The following ARHGEF10L variants were observed in gnomAD, a reference collection of about 807,000 sequenced individuals.
ARHGEF10L encodes Rho guanine nucleotide exchange factor 10 like.
In ARHGEF10L, 69 loss-of-function variants were observed where a neutral mutation model predicts 141.2. That is an observed-to-expected ratio of 0.49 (90% confidence interval 0.40 to 0.60). ARHGEF10L has a LOEUF of 0.60. ARHGEF10L is among the 20% of genes least tolerant of loss of function. ARHGEF10L has a pLI of 0.00. For missense variants in ARHGEF10L, 1,482 were observed against 1,734.3 expected, an observed-to-expected ratio of 0.85 and a Z score of 2.58; for synonymous variants, 711 against 718.5, an observed-to-expected ratio of 0.99 and a Z score of 0.17.
intron 6 of ARHGEF10L, among the ~76,000 whole-genome samples, chr1:17,606,985 G>T (rs1280343595): frequency 6.6e-6 from 1 of 152,218 alleles, no homozygotes; most frequent in Non-Finnish European, 1.5e-5. Flanking sequence ...TTTCCCGCAG[G>T]CTTAGGAAGG....
chr1:17,549,363 C>T (rs990384742), intron 1 of ARHGEF10L, among the ~76,000 whole-genome samples: 8 of 152,000 alleles, frequency 5.3e-5, no homozygotes, highest in African/African-American at 1.9e-4. Flanking sequence ...AAAAATCAAA[C>T]ACATCAAATT....
chr1:17,649,556 C>A (rs911104176), intron 22 of ARHGEF10L, among the ~76,000 whole-genome samples: 1 of 152,294 alleles, frequency 6.6e-6, no homozygotes, highest in South Asian at 2.1e-4. Context: ...GTCCATTCTG[C>A]ATGCAATTTT....
intron 6 of ARHGEF10L, among the ~76,000 whole-genome samples, chr1:17,606,617 A>T (rs1471680773): frequency 1.1e-3 from 169 of 150,258 alleles, no homozygotes; most frequent in African/African-American, 4.0e-3. Flanking sequence ...TTTTTTTTTA[A>T]AAAAACACAA....
chr1:17,605,497 A>G (rs2081085075), intron 6 of ARHGEF10L, among the ~76,000 whole-genome samples: 1 of 152,236 alleles, frequency 6.6e-6, no homozygotes, highest in Admixed American at 6.5e-5. Context: ...CGGGCTGCAC[A>G]CAGGCACAAG....
At position 17,632,548 on chromosome 1, in the gene ARHGEF10L, C is replaced by T. The variant is rs550685893; in HGVS notation, c.1730+82C>T. 944 of 1,571,228 alleles carry T rather than the reference C, an allele frequency of 6.0e-4. 17 individuals are homozygous for T. The Admixed American group carries it at 0.015, about 25-fold the overall frequency. On this transcript the variant is annotated intron_variant, in intron 16 of 28. Coordinates refer to ENST00000361221, the MANE Select transcript of ARHGEF10L (RefSeq NM_018125.4). Reference sequence around the variant, plus strand: ...CCTACTCCAGTCTCTTGGCCGGCCGCACTACAGTGGGACCCCATGTGAGCT... The same window carrying T: ...CCTACTCCAGTCTCTTGGCCGGCCGTACTACAGTGGGACCCCATGTGAGCT...
At chr1:17,687,834 A>AT (rs1341247349) in intron 27 of ARHGEF10L, 87 bp downstream of exon 27, 1 of 1,384,596 alleles carries the variant, frequency 7.2e-7, no homozygotes, top group African/African-American at 1.5e-5. Context: ...AGCCCATCCC[A>AT]TTTTCCCTCA....
chr1:17,561,903 G>A (rs1477581697), intron 1 of ARHGEF10L, among the ~76,000 whole-genome samples: 1 of 152,200 alleles, frequency 6.6e-6, no homozygotes, highest in African/African-American at 2.4e-5. Context: ...AATCGGGAAG[G>A]TTCCAAGGGA....
chr1:17,546,875 G>A (rs1053457016), intron 1 of ARHGEF10L, among the ~76,000 whole-genome samples: 2 of 152,214 alleles, frequency 1.3e-5, no homozygotes, highest in African/African-American at 2.4e-5. Context: ...CACCTTGGTA[G>A]TGCATGGCTC....
chr1:17,655,938 C>T lies in ARHGEF10L; in HGVS notation c.2541C>T (p.Pro847=), dbSNP rs747392737. The T allele has an allele frequency of 3.5e-5, 55 of 1,559,102 alleles. No homozygotes were observed. Among genetic ancestry groups the T allele is most frequent in the African/African-American group, 1.4e-4 (10 of 73,758 alleles). ...GQVEIFSLNR[P]SPRTVKSFPL... ...TGGAAATCTTTTCCTTGAACCGGCC[C>T]TCGCCCCGCACCGTCAAGTCCTTCC... Residue 847 remains proline (P), a synonymous_variant, in exon 24 of 29, where the codon CCC becomes CCT. Transcript: ENST00000361221.
the ARHGEF10L span, among the ~76,000 whole-genome samples, chr1:17,521,717 C>T: frequency 0.35 from 53,255 of 151,956 alleles, 9,874 homozygotes; most frequent in Non-Finnish European, 0.4. Flanking sequence ...AAGGAGGAGC[C>T]GAGCTTTGAA....
chr1:17,614,573 G>T (rs972081750), intron 8 of ARHGEF10L, among the ~76,000 whole-genome samples: 1 of 152,174 alleles, frequency 6.6e-6, no homozygotes, highest in East Asian at 1.9e-4. Context: ...TGGAACAGAG[G>T]TTTCAGATCT....
At chr1:17,618,289 T>G in intron 9 of ARHGEF10L, 6 of 1,040,762 alleles carry the variant, frequency 5.8e-6, no homozygotes, top group Non-Finnish European at 7.8e-6. Context: ...AGCGCCTTCC[T>G]GAAGTGACCC....
chr1:17,538,936 T>C (rs1428480197), upstream of ARHGEF10L, among the ~76,000 whole-genome samples: 1 of 152,204 alleles, frequency 6.6e-6, no homozygotes, highest in African/African-American at 2.4e-5. Flanking sequence ...ATTAATTGCA[T>C]CATATCCAGA....
chr1:17,522,637 G>C, the ARHGEF10L span, among the ~76,000 whole-genome samples: 1 of 152,042 alleles, frequency 6.6e-6, no homozygotes, highest in Non-Finnish European at 1.5e-5. Flanking sequence ...CTAAATTAGA[G>C]TCTCCTGAGG....
chr1:17,667,625 G>A (rs1443833224), intron 26 of ARHGEF10L, among the ~76,000 whole-genome samples: 1 of 152,252 alleles, frequency 6.6e-6, no homozygotes, highest in East Asian at 1.9e-4. Context: ...GGGTTTCCAA[G>A]GAAGAATCTT....
chr1:17,605,353 C>T (rs994170840), intron 6 of ARHGEF10L, among the ~76,000 whole-genome samples: 41 of 152,102 alleles, frequency 2.7e-4, no homozygotes, highest in African/African-American at 8.9e-4. Context: ...TCAGTTGACC[C>T]ATCTGTAGAA....
chr1:17,560,399 C>T (rs1250059274), intron 1 of ARHGEF10L, among the ~76,000 whole-genome samples: 1 of 152,190 alleles, frequency 6.6e-6, no homozygotes, highest in Non-Finnish European at 1.5e-5. Flanking sequence ...ATCAGAGGCA[C>T]CTGAGGTTTG....
intron 1 of ARHGEF10L, among the ~76,000 whole-genome samples, chr1:17,559,801 C>T (rs1046361510): frequency 6.6e-6 from 1 of 152,116 alleles, no homozygotes; most frequent in Non-Finnish European, 1.5e-5. Context: ...GGTGCCATTT[C>T]ATTTGCAGGA....
In ARHGEF10L at chr1:17,648,594, C is replaced by A; in HGVS notation, c.2313C>A (p.Asp771Glu). 2.5e-6 allele frequency: 4 copies of A among 1,613,726 alleles called. No individual in the cohort carries two copies. Among genetic ancestry groups the A allele is most frequent in the Non-Finnish European group, 3.4e-6 (4 of 1,180,020 alleles). The change falls in exon 22 of 29, where the codon GAC becomes GAA. Residue 771 changes from aspartate to glutamate, a missense_variant. By Grantham distance (45) the Asp-to-Glu change is conservative. This residue lies in a region of ARHGEF10L where 858 missense variants were observed against 966.3 expected (regional missense o/e 0.89). Transcript: ENST00000361221. ...CAGGCTGGCTATGCCCGGATGAGGA[C>A]AAGAAGAGCAAAGCCCCATTCTGGT... ...NQPGWLCPDE[D>E]KKSKAPFWCP...
Sources: allele counts gnomAD v4.1 joint callset (sites outside exome capture counted in the v4.1 genomes callset), GRCh38; gene constraint gnomAD v4.1.1; regional missense constraint gnomAD v4.1.1; transcripts MANE v1.5; gene names NCBI Gene and HGNC (gene_info 2026-07-23, HGNC 2026-07-21).